Variants in GPC6 observed in about 807,000 individuals in gnomAD.
GPC6 encodes the protein glypican 6, also known as glypican-6.
GPC6 carries 14 observed loss-of-function variants against 55.2 expected under a neutral mutation model. The ratio of observed to expected loss-of-function variants is 0.25; its 90% CI spans 0.17 to 0.40. The LOEUF (loss-of-function observed/expected upper bound fraction) is 0.40. GPC6 is among the 10% of genes least tolerant of loss of function. GPC6 has a pLI of 1.00. For synonymous variants in GPC6, 278 were observed against 259.6 expected, an observed-to-expected ratio of 1.07 and a Z score of -0.68; for missense variants, 641 against 708.5, an observed-to-expected ratio of 0.90 and a Z score of 1.08.
intron 3 of GPC6, among the ~76,000 whole-genome samples, chr13:93,944,102 T>A: frequency 6.6e-6 from 1 of 152,168 alleles, no homozygotes; most frequent in Non-Finnish European, 1.5e-5. Flanking sequence ...AATGCCTTTT[T>A]ACAAAAGACT....
intron 3 of GPC6, among the ~76,000 whole-genome samples, chr13:93,873,995 A>T (rs1242125724): frequency 6.6e-6 from 1 of 151,864 alleles, no homozygotes; most frequent in Admixed American, 6.6e-5. Flanking sequence ...GTAGCCTCCT[A>T]TCTGGTCTCC....
intron 3 of GPC6, among the ~76,000 whole-genome samples, chr13:93,912,922 C>T (rs1433970755): frequency 1.3e-5 from 2 of 152,102 alleles, no homozygotes; most frequent in Non-Finnish European, 2.9e-5. Context: ...TCACTTTAGT[C>T]TCTACCTCAG....
chr13:93,583,666 T>C (rs1803565142), intron 2 of GPC6, among the ~76,000 whole-genome samples: 1 of 152,222 alleles, frequency 6.6e-6, no homozygotes, highest in Admixed American at 6.5e-5. Context: ...ATCCACCGCC[T>C]CTGTCTCCCA....
chr13:93,556,373 AGTGTGT>A (rs56706276), intron 2 of GPC6, among the ~76,000 whole-genome samples: 92,341 of 133,936 alleles, frequency 0.69, 32,222 homozygotes, highest in Admixed American at 0.73. Context: ...GTGGGTAAAT[AGTGTGT>A]GTGTGTGTGT....
intron 4 of GPC6, among the ~76,000 whole-genome samples, chr13:94,171,524 A>G (rs912588120): frequency 1.3e-5 from 2 of 152,216 alleles, no homozygotes; most frequent in Non-Finnish European, 2.9e-5. Flanking sequence ...ACTGCATGAC[A>G]TTCAAAAGAA....
chr13:94,193,158 C>T (rs1889455489), intron 4 of GPC6, among the ~76,000 whole-genome samples: 1 of 151,514 alleles, frequency 6.6e-6, no homozygotes, highest in Admixed American at 6.6e-5. Flanking sequence ...GTCTTCTTTG[C>T]CACAATTAGA....
intron 1 of GPC6, among the ~76,000 whole-genome samples, chr13:93,486,311 C>CAT (rs1329247720): frequency 4.6e-5 from 7 of 152,082 alleles, no homozygotes; most frequent in Non-Finnish European, 2.9e-5. Flanking sequence ...AAGGAAGAGA[C>CAT]ATATGTAGCT....
intron 2 of GPC6, among the ~76,000 whole-genome samples, chr13:93,567,395 T>G (rs1876183018): frequency 1.3e-5 from 2 of 152,196 alleles, no homozygotes; most frequent in Admixed American, 1.3e-4. Context: ...GGATAAAATA[T>G]GTAAAAATTT....
At chr13:93,847,935 C>G (rs1384865823) in intron 3 of GPC6, among the ~76,000 whole-genome samples, 7 of 152,080 alleles carry the variant, frequency 4.6e-5, no homozygotes, top group Non-Finnish European at 8.8e-5. Flanking sequence ...TTATAATTCT[C>G]TTCGTTAAAT....
chr13:93,466,390 C>T (rs1878906135), intron 1 of GPC6, among the ~76,000 whole-genome samples: 1 of 152,120 alleles, frequency 6.6e-6, no homozygotes, highest in African/African-American at 2.4e-5. Context: ...GTCTTCTCAG[C>T]TGTTATGTAA....
intron 1 of GPC6, among the ~76,000 whole-genome samples, chr13:93,326,346 C>A (rs1879653057): frequency 6.6e-6 from 1 of 152,076 alleles, no homozygotes; most frequent in Non-Finnish European, 1.5e-5. Flanking sequence ...TTATTACTGC[C>A]AGGTGAGCTG....
At chr13:94,373,719 C>T (rs933399683) in intron 6 of GPC6, among the ~76,000 whole-genome samples, 1 of 152,058 alleles carries the variant, frequency 6.6e-6, no homozygotes, top group Admixed American at 6.5e-5. Context: ...GAGAACGCCA[C>T]AAAGATACTC....
At chr13:93,546,663 T>C (rs1026175533) in intron 2 of GPC6, among the ~76,000 whole-genome samples, 2 of 152,192 alleles carry the variant, frequency 1.3e-5, no homozygotes, top group East Asian at 3.9e-4. Flanking sequence ...AGGGAGTACT[T>C]AGGGGTTACT....
At chr13:93,905,808 T>C (rs1267883585) in intron 3 of GPC6, among the ~76,000 whole-genome samples, 2 of 152,094 alleles carry the variant, frequency 1.3e-5, no homozygotes, top group East Asian at 1.9e-4. Context: ...TTGACAATGA[T>C]GAAATAAGCA....
intron 4 of GPC6, among the ~76,000 whole-genome samples, chr13:94,249,177 G>A (rs1333938964): frequency 6.6e-6 from 1 of 152,076 alleles, no homozygotes; most frequent in Non-Finnish European, 1.5e-5. Context: ...CCTATAAAAT[G>A]TTCCCTTAAC....
At chr13:94,364,707 A>G (rs552617344) in intron 6 of GPC6, among the ~76,000 whole-genome samples, 2 of 152,202 alleles carry the variant, frequency 1.3e-5, no homozygotes, top group East Asian at 3.9e-4. Flanking sequence ...CCAGGACCTT[A>G]AAAAGGCCCA....
chr13:93,523,456 C>T (rs1242923571), intron 1 of GPC6, among the ~76,000 whole-genome samples: 1 of 32,344 alleles, frequency 3.1e-5, no homozygotes, highest in Non-Finnish European at 8.1e-5. Flanking sequence ...CACACACATA[C>T]ACACATATGA....
intron 6 of GPC6, among the ~76,000 whole-genome samples, chr13:94,316,832 C>A (rs897660344): frequency 6.6e-6 from 1 of 152,074 alleles, no homozygotes; most frequent in Non-Finnish European, 1.5e-5. Context: ...ATTGTGAGAG[C>A]TGCTCTTGTA....
chr13:93,972,640 G>T (rs11842108), intron 3 of GPC6, among the ~76,000 whole-genome samples: 1,573 of 152,174 alleles, frequency 0.01, 35 homozygotes, highest in African/African-American at 0.036. Context: ...GCTACTGAAG[G>T]CCTATGTTTA....
Sources: gnomAD v4.1 joint callset for allele counts (sites outside exome capture counted in the v4.1 genomes callset) on GRCh38, gnomAD v4.1.1 for gene constraint, MANE v1.5 for transcripts, NCBI Gene and HGNC (gene_info 2026-07-23, HGNC 2026-07-21) for gene names.